Variants in PLXNC1 observed in about 807,000 individuals in gnomAD.
PLXNC1 encodes plexin C1.
In PLXNC1, 75 loss-of-function variants were observed where a neutral mutation model predicts 178.2. The ratio of observed to expected loss-of-function variants is 0.42; its 90% CI spans 0.35 to 0.51. PLXNC1 has a LOEUF of 0.51. Among genes scored for constraint, PLXNC1 ranks in the 20% least tolerant of loss-of-function variants. PLXNC1 has a pLI of 0.02. For synonymous variants in PLXNC1, 790 were observed against 779.9 expected (o/e 1.01, Z -0.22); for missense variants, 1,503 against 1,984.4 (o/e 0.76, Z 4.61).
chr12:94,198,596 C>G (rs1039198825), intron 4 of PLXNC1, among the ~76,000 whole-genome samples: 1 of 152,170 alleles, frequency 6.6e-6, no homozygotes, highest in South Asian at 2.1e-4. Flanking sequence ...ACTACCAACA[C>G]AAATTTATCG....
chr12:94,262,610 G>A (rs1965026291), intron 20 of PLXNC1: 8 of 985,350 alleles, frequency 8.1e-6, no homozygotes, highest in Middle Eastern at 5.2e-4. Context: ...GCCAGTCGGC[G>A]ATACTTTCAC....
chr12:94,175,810 C>T (rs1419833241), intron 2 of PLXNC1, among the ~76,000 whole-genome samples: 20 of 152,140 alleles, frequency 1.3e-4, no homozygotes, highest in Admixed American at 1.3e-3. Context: ...CAGACAATGC[C>T]CTTGCTCTGC....
intron 20 of PLXNC1, among the ~76,000 whole-genome samples, chr12:94,261,875 T>C (rs932706606): frequency 3.9e-5 from 6 of 152,216 alleles, no homozygotes; most frequent in African/African-American, 1.4e-4. Flanking sequence ...CAACAATTTT[T>C]TTTTTAATTT....
At chr12:94,250,089 AG>A (rs1305180126) in intron 14 of PLXNC1, among the ~76,000 whole-genome samples, 1 of 152,048 alleles carries the variant, frequency 6.6e-6, no homozygotes, top group Non-Finnish European at 1.5e-5. Context: ...AGGCAGAGGG[AG>A]CAGAGGGAGC....
chr12:94,202,807 G>C (rs1208938409), intron 4 of PLXNC1, among the ~76,000 whole-genome samples: 1 of 152,192 alleles, frequency 6.6e-6, no homozygotes, highest in Non-Finnish European at 1.5e-5. Context: ...AACTTACCTG[G>C]GGATGAGTTT....
intron 1 of PLXNC1, among the ~76,000 whole-genome samples, chr12:94,164,023 T>C (rs548318497): frequency 6.6e-6 from 1 of 152,118 alleles, no homozygotes; most frequent in South Asian, 2.1e-4. Flanking sequence ...ATTAGGTCCA[T>C]TTTACAGATA....
At position 94,220,067 on chromosome 12, in the gene PLXNC1, G is replaced by C. The variant is rs777376719; in HGVS notation, c.1606G>C (p.Val536Leu). The change falls in exon 6 of 31, where the codon GTG (valine) becomes CTG (leucine). Residue 536 changes from valine to leucine, a missense_variant. Val to Leu is a conservative substitution (Grantham distance 32, BLOSUM62 1). Transcript: ENST00000258526. The stretch of plus-strand genomic sequence containing the variant: ...CTCTCCAAGACACTCAAAGTGCATG[G>C]TGAAGAATGTGGACTCTAGCAGGGA... ...SFSPRHSKCMVKNVDSSRELC... is the reference protein window; with the variant it reads ...SFSPRHSKCMLKNVDSSRELC... The C allele has an allele frequency of 1.2e-6, 2 of 1,613,978 alleles. No homozygotes were observed. The highest frequency in any genetic ancestry group is 3.3e-5 in the Admixed American group (2 of 60,004).
chr12:94,284,300 G>A (rs2136156458), intron 23 of PLXNC1, among the ~76,000 whole-genome samples: 1 of 152,178 alleles, frequency 6.6e-6, no homozygotes, highest in Admixed American at 6.5e-5. Context: ...AGGTGGTTTT[G>A]GGAAAGGGCT....
intron 23 of PLXNC1, among the ~76,000 whole-genome samples, chr12:94,294,000 C>T (rs1419086644): frequency 6.6e-6 from 1 of 152,146 alleles, no homozygotes; most frequent in Non-Finnish European, 1.5e-5. Flanking sequence ...AAAGGCCCTA[C>T]CTCCTAATAC....
In PLXNC1 at chr12:94,149,827, G is replaced by T. The variant is rs1960880758; in HGVS notation, c.856G>T (p.Gly286Cys). 1 of 1,596,538 alleles carries T rather than the reference G, an allele frequency of 6.3e-7. No homozygotes were observed. The highest frequency in any genetic ancestry group is 1.3e-5 in the African/African-American group (1 of 74,412). The change falls in exon 1 of 31, where the codon GGC becomes TGC. Residue 286 changes from glycine (G) to cysteine (C), a missense_variant. Physicochemically the swap from Gly to Cys is radical, Grantham distance 159. Around this residue, in one of 4 missense-constraint regions of PLXNC1, gnomAD observed 615 missense variants for 698.6 expected, o/e 0.88. Coordinates refer to ENST00000258526, the MANE Select transcript of PLXNC1 (RefSeq NM_005761.3). ...CCAGGCATCCCTCGACTGCGGCCAC[G>T]GCCACCCCGACGGCCGCCGCCTGCT... ...QGQASLDCGH[G>C]HPDGRRLLLS...
rs12830215 is a variant in PLXNC1, at chr12:94,224,113, C to T, written c.1703-115C>T. ...TTGAAATGTTAGCAAACAGCTGGCACGCTCCTGCCCACTATGCAGAGGAAG... is the reference window on the plus strand; with the variant it reads ...TTGAAATGTTAGCAAACAGCTGGCATGCTCCTGCCCACTATGCAGAGGAAG... On this transcript the variant is annotated intron_variant, in intron 6 of 30. Transcript: ENST00000258526. 532 of 718,572 alleles carry T rather than the reference C, an allele frequency of 7.4e-4. 2 individuals carry two copies. Among genetic ancestry groups the T allele is most frequent in the African/African-American group, 3.4e-3 (192 of 57,076 alleles). The allele number at this position is 718,572 out of a possible 1,614,324, so 44.5% of individuals were successfully genotyped here. A position where few individuals can be genotyped will look rare whatever the true frequency, so the allele number is the denominator to read the frequency against.
chr12:94,193,560 G>A (rs1343405745), intron 4 of PLXNC1, among the ~76,000 whole-genome samples: 1 of 152,146 alleles, frequency 6.6e-6, no homozygotes, highest in Non-Finnish European at 1.5e-5. Flanking sequence ...TCTTCATGAA[G>A]AAAACAAACA....
intron 3 of PLXNC1, among the ~76,000 whole-genome samples, chr12:94,185,780 A>G (rs1242536753): frequency 6.6e-6 from 1 of 152,178 alleles, no homozygotes; most frequent in Non-Finnish European, 1.5e-5. Context: ...ACTCCTGCTG[A>G]CACTCCTGGG....
intron 23 of PLXNC1, among the ~76,000 whole-genome samples, chr12:94,290,830 G>A (rs1967240977): frequency 1.3e-5 from 2 of 152,244 alleles, no homozygotes; most frequent in African/African-American, 2.4e-5. Context: ...TCAGAATGGA[G>A]GGAAAAGTCA....
intron 17 of PLXNC1, among the ~76,000 whole-genome samples, chr12:94,256,970 A>G (rs1330023417): frequency 6.6e-6 from 1 of 152,212 alleles, no homozygotes; most frequent in Non-Finnish European, 1.5e-5. Context: ...ACAACTGGGA[A>G]AGTCATAAAA....
At chr12:94,182,791 G>A (rs1262989068) in intron 3 of PLXNC1, among the ~76,000 whole-genome samples, 2 of 151,994 alleles carry the variant, frequency 1.3e-5, no homozygotes, top group South Asian at 2.1e-4. Flanking sequence ...AAATAAATGT[G>A]TTATTAATTT....
chr12:94,220,954 G>A (rs1007064108), intron 6 of PLXNC1, among the ~76,000 whole-genome samples: 7 of 152,206 alleles, frequency 4.6e-5, no homozygotes, highest in African/African-American at 1.7e-4. Context: ...GGTAGGGGAA[G>A]GTGGAAAGGG....
chr12:94,240,473 A>C lies in PLXNC1; in HGVS notation c.2121-12A>C. The C allele has an allele frequency of 1.2e-6, 2 of 1,604,604 alleles. No individual in the cohort carries two copies. The highest frequency in any genetic ancestry group is 1.7e-6 in the Non-Finnish European group (2 of 1,174,258). ...TGTGTCATGTGAGAGTTCTTTTTCT[A>C]CTCTTTTCTAGGATACAGGTTAGCC... On this transcript the variant is annotated splice_polypyrimidine_tract_variant and intron_variant, in intron 10 of 30. Coordinates refer to ENST00000258526, the MANE Select transcript of PLXNC1 (RefSeq NM_005761.3).
chr12:94,157,050 T>C (rs1459053649), intron 1 of PLXNC1, among the ~76,000 whole-genome samples: 2 of 152,204 alleles, frequency 1.3e-5, no homozygotes, highest in East Asian at 3.8e-4. Context: ...GGCTACTAAC[T>C]GGCAATGACT....
Sources: gnomAD v4.1 joint callset for allele counts (sites outside exome capture counted in the v4.1 genomes callset) on GRCh38, gnomAD v4.1.1 for gene constraint, gnomAD v4.1.1 regional missense constraint, MANE v1.5 for transcripts, NCBI Gene and HGNC (gene_info 2026-07-23, HGNC 2026-07-21) for gene names.